Variants in HTR1F observed in about 807,000 individuals in gnomAD.
HTR1F encodes 5-hydroxytryptamine receptor 1F.
HTR1F carries 17 observed loss-of-function variants against 24.0 expected under a neutral mutation model. The ratio of observed to expected loss-of-function variants is 0.71; its 90% CI spans 0.48 to 1.06. HTR1F has a LOEUF of 1.06. HTR1F is among the 50% of genes least tolerant of loss of function. The pLI, the probability that HTR1F is intolerant of heterozygous loss-of-function variation, is 0.00. For synonymous variants in HTR1F, 186 were observed against 156.8 expected (o/e 1.19, Z -1.39); for missense variants, 391 against 427.8 (o/e 0.91, Z 0.76).
chr3:87,988,621 T>C (rs979422809), intron 2 of HTR1F, among the ~76,000 whole-genome samples: 1 of 152,210 alleles, frequency 6.6e-6, no homozygotes, highest in African/African-American at 2.4e-5. Context: ...TATCGCTCTG[T>C]TGCCCAGGCT....
chr3:87,883,842 T>C (rs1485052461), intron 2 of HTR1F, among the ~76,000 whole-genome samples: 1 of 152,134 alleles, frequency 6.6e-6, no homozygotes, highest in Non-Finnish European at 1.5e-5. Flanking sequence ...TATGGGACTA[T>C]ATGAAAAGAC....
intron 1 of HTR1F, among the ~76,000 whole-genome samples, chr3:87,796,666 CT>C (rs895316996): frequency 1.6e-4 from 25 of 152,038 alleles, no homozygotes; most frequent in African/African-American, 5.6e-4. Context: ...GAAGAAAGTA[CT>C]TTTTTTAAGA....
At chr3:87,971,423 C>T (rs1705283671) in intron 2 of HTR1F, among the ~76,000 whole-genome samples, 1 of 151,862 alleles carries the variant, frequency 6.6e-6, no homozygotes, top group Admixed American at 6.6e-5. Context: ...GCCAGGTGTG[C>T]TGGGGAGTGC....
At chr3:87,819,918 T>C (rs1217018920) in intron 1 of HTR1F, among the ~76,000 whole-genome samples, 3 of 152,068 alleles carry the variant, frequency 2.0e-5, no homozygotes, top group Non-Finnish European at 2.9e-5. Context: ...ATGAGAACAA[T>C]TTAACTCTTA....
At chr3:87,972,471 T>C (rs1450003143) in intron 2 of HTR1F, among the ~76,000 whole-genome samples, 2 of 152,216 alleles carry the variant, frequency 1.3e-5, no homozygotes, top group Non-Finnish European at 2.9e-5. Context: ...TGACTACAGA[T>C]GCACAAGGTT....
chr3:87,973,202 T>C (rs1261613056), intron 2 of HTR1F, among the ~76,000 whole-genome samples: 3 of 152,010 alleles, frequency 2.0e-5, no homozygotes, highest in Admixed American at 2.0e-4. Flanking sequence ...ATCCCTATCA[T>C]GGACTCTAAT....
chr3:87,828,825 T>G (rs2107146020), intron 2 of HTR1F, among the ~76,000 whole-genome samples: 2 of 152,294 alleles, frequency 1.3e-5, no homozygotes, highest in South Asian at 4.1e-4. Flanking sequence ...AAATGTAGAT[T>G]AATATATTTA....
intron 1 of HTR1F, among the ~76,000 whole-genome samples, chr3:87,797,132 T>G (rs971998636): frequency 2.2e-4 from 34 of 152,312 alleles, no homozygotes; most frequent in African/African-American, 7.9e-4. Context: ...TAATTGTTCT[T>G]TGTTATTAGT....
At chr3:87,883,035 G>A (rs1350631079) in intron 2 of HTR1F, among the ~76,000 whole-genome samples, 1 of 152,114 alleles carries the variant, frequency 6.6e-6, no homozygotes, top group Admixed American at 6.5e-5. Flanking sequence ...CTAACTGGGA[G>A]ACACATCCCA....
At chr3:87,987,048 G>A (rs1183949280) in intron 2 of HTR1F, among the ~76,000 whole-genome samples, 1 of 152,072 alleles carries the variant, frequency 6.6e-6, no homozygotes, top group Non-Finnish European at 1.5e-5. Flanking sequence ...AGAAGTTTCA[G>A]TGAGCCAAGA....
chr3:87,794,382 T>G (rs1442372468), intron 1 of HTR1F, among the ~76,000 whole-genome samples: 1 of 152,146 alleles, frequency 6.6e-6, no homozygotes, highest in Non-Finnish European at 1.5e-5. Flanking sequence ...GTCTTGAGAA[T>G]GAGAGTATGT....
chr3:87,915,523 T>A (rs1297892055), intron 2 of HTR1F, among the ~76,000 whole-genome samples: 4 of 151,988 alleles, frequency 2.6e-5, no homozygotes, highest in African/African-American at 9.7e-5. Context: ...AATAAAAGCT[T>A]CAGGAAACAT....
intron 2 of HTR1F, among the ~76,000 whole-genome samples, chr3:87,945,156 T>C (rs375227750): frequency 6.6e-6 from 1 of 151,976 alleles, no homozygotes; most frequent in East Asian, 1.9e-4. Flanking sequence ...TCTCTCCTTC[T>C]CTTAGCCATT....
At chr3:87,821,618 G>C (rs1704361895) in intron 1 of HTR1F, among the ~76,000 whole-genome samples, 1 of 152,116 alleles carries the variant, frequency 6.6e-6, no homozygotes, top group Non-Finnish European at 1.5e-5. Context: ...CCTGGTGTCA[G>C]GGATGATAGT....
intron 1 of HTR1F, among the ~76,000 whole-genome samples, chr3:87,818,053 T>G (rs1024672374): frequency 6.6e-6 from 1 of 152,220 alleles, no homozygotes; most frequent in Non-Finnish European, 1.5e-5. Context: ...TTTTAATGAA[T>G]TATACAAACA....
At chr3:87,955,926 T>C (rs1450135138) in intron 2 of HTR1F, among the ~76,000 whole-genome samples, 3 of 151,464 alleles carry the variant, frequency 2.0e-5, no homozygotes, top group African/African-American at 7.2e-5. Flanking sequence ...ATAAGAGATC[T>C]GTATATGGTC....
intron 2 of HTR1F, among the ~76,000 whole-genome samples, chr3:87,880,170 G>A (rs1705758736): frequency 6.6e-6 from 1 of 152,122 alleles, no homozygotes; most frequent in Non-Finnish European, 1.5e-5. Context: ...CTGGGTGCAG[G>A]ATAACGAGAA....
At chr3:87,849,792 G>A (rs1340565604) in intron 2 of HTR1F, among the ~76,000 whole-genome samples, 1 of 151,852 alleles carries the variant, frequency 6.6e-6, no homozygotes, top group East Asian at 1.9e-4. Flanking sequence ...CAAAAAGTGG[G>A]CGAAAGATAT....
intron 2 of HTR1F, among the ~76,000 whole-genome samples, chr3:87,908,760 T>G (rs1402755607): frequency 1.3e-5 from 2 of 152,054 alleles, no homozygotes; most frequent in African/African-American, 2.4e-5. Context: ...TTGTGAATCT[T>G]TAAGACTTAG....
Sources: gnomAD v4.1 joint callset for allele counts (sites outside exome capture counted in the v4.1 genomes callset) on GRCh38, gnomAD v4.1.1 for gene constraint, MANE v1.5 for transcripts, NCBI Gene and HGNC (gene_info 2026-07-23, HGNC 2026-07-21) for gene names.